The following ZDHHC21 variants were observed in gnomAD, a reference collection of about 807,000 sequenced individuals.
ZDHHC21 encodes the protein zDHHC palmitoyltransferase 21, also known as palmitoyltransferase ZDHHC21.
Under a neutral mutation model 34.6 loss-of-function variants are expected in ZDHHC21, and 15 were observed. That is an observed-to-expected ratio of 0.43 (90% CI 0.29 to 0.67). The LOEUF is 0.67. Ranked by LOEUF, ZDHHC21 falls within the 30% of genes least tolerant of loss-of-function variation. ZDHHC21 has a pLI of 0.14. For missense variants in ZDHHC21, 344 were observed against 327.7 expected (o/e 1.05, Z -0.38); for synonymous variants, 142 against 101.8 (o/e 1.40, Z -2.38).
chr9:14,661,407 G>A (rs983460005), intron 6 of ZDHHC21, among the ~76,000 whole-genome samples: 90 of 152,124 alleles, frequency 5.9e-4, no homozygotes, highest in African/African-American at 2.1e-3. Flanking sequence ...TTGCATATAT[G>A]CATGTATGTG....
At chr9:14,644,819 TACAC>T (rs527554683) in intron 7 of ZDHHC21, among the ~76,000 whole-genome samples, 12 of 142,628 alleles carry the variant, frequency 8.4e-5, no homozygotes, top group African/African-American at 2.3e-4. Context: ...TACATATGTA[TACAC>T]ACACACACAC....
intron 2 of ZDHHC21, among the ~76,000 whole-genome samples, chr9:14,680,780 G>C (rs765939800): frequency 6.6e-6 from 1 of 152,142 alleles, no homozygotes; most frequent in Non-Finnish European, 1.5e-5. Context: ...ATCTTCAATG[G>C]AGGCAGACTA....
intron 8 of ZDHHC21, among the ~76,000 whole-genome samples, chr9:14,627,604 AT>A (rs549774194): frequency 6.6e-6 from 1 of 152,148 alleles, no homozygotes; most frequent in Non-Finnish European, 1.5e-5. Flanking sequence ...AGCTTACACT[AT>A]TATATAAACT....
At chr9:14,621,421 T>A (rs565619068) in intron 8 of ZDHHC21, among the ~76,000 whole-genome samples, 3 of 152,220 alleles carry the variant, frequency 2.0e-5, no homozygotes, top group African/African-American at 7.2e-5. Context: ...AGATTTAGAT[T>A]TCATACAGAA....
intron 7 of ZDHHC21, among the ~76,000 whole-genome samples, chr9:14,658,201 C>A: frequency 6.6e-6 from 1 of 152,120 alleles, no homozygotes. Flanking sequence ...AACCAAGACA[C>A]ACGTATTGAA....
At chr9:14,656,960 A>C (rs1300953130) in intron 7 of ZDHHC21, among the ~76,000 whole-genome samples, 1 of 151,958 alleles carries the variant, frequency 6.6e-6, no homozygotes. Context: ...TATGCTGCTG[A>C]TCTTTTTCCA....
At chr9:14,685,888 A>C (rs148270922) in intron 2 of ZDHHC21, among the ~76,000 whole-genome samples, 2,729 of 152,328 alleles carry the variant, frequency 0.018, 26 homozygotes, top group Non-Finnish European at 0.031. Context: ...AAAAAGGATG[A>C]GTTCATGTCC....
chr9:14,675,828 AC>A (rs1836276471), intron 3 of ZDHHC21, among the ~76,000 whole-genome samples: 1 of 152,016 alleles, frequency 6.6e-6, no homozygotes, highest in Non-Finnish European at 1.5e-5. Flanking sequence ...AAGAAGTGAA[AC>A]CTGAATTCAG....
chr9:14,675,780 G>A (rs1836266076), intron 3 of ZDHHC21, among the ~76,000 whole-genome samples: 1 of 151,930 alleles, frequency 6.6e-6, no homozygotes, highest in African/African-American at 2.4e-5. Flanking sequence ...CACAGAAGAT[G>A]GGACCAGTTA....
rs766922051 is a variant in ZDHHC21, at chr9:14,611,946, G to T, written c.*7020C>A. ...CATCTCTGGGAGACAGTGAATAGTG[G>T]TGAATTCTCTACTACTCAATAACTT... On this transcript the variant is annotated 3_prime_UTR_variant, in exon 10 of 10. Coordinates refer to ENST00000380916, the MANE Select transcript of ZDHHC21 (RefSeq NM_178566.6). The T allele has an allele frequency of 6.6e-6, 1 of 151,896 alleles. No individual in the cohort carries two copies. The highest frequency in any genetic ancestry group is 1.5e-5 in the Non-Finnish European group (1 of 67,914). 9.4% of individuals were successfully genotyped at this position (151,896 alleles called of 1,614,324 possible). A position where few individuals can be genotyped will look rare whatever the true frequency, so the allele number is the denominator to read the frequency against.
intron 8 of ZDHHC21, among the ~76,000 whole-genome samples, chr9:14,627,644 G>C (rs1183704250): frequency 6.6e-6 from 1 of 152,094 alleles, no homozygotes; most frequent in African/African-American, 2.4e-5. Context: ...AAAAATGCTT[G>C]TATATAAAAA....
chr9:14,597,382 T>C, the ZDHHC21 span, among the ~76,000 whole-genome samples: 2 of 151,988 alleles, frequency 1.3e-5, no homozygotes, highest in African/African-American at 4.8e-5. Context: ...GTATCCTACA[T>C]CCCAGGGAAT....
chr9:14,601,329 G>A, the ZDHHC21 span, among the ~76,000 whole-genome samples: 1 of 152,126 alleles, frequency 6.6e-6, no homozygotes, highest in Non-Finnish European at 1.5e-5. Context: ...ATCAAAAAGT[G>A]TGCAAAGGAT....
rs980567248 is a variant in ZDHHC21 at position 14,615,395 on chromosome 9, T to C, written c.*3571A>G. 1.7e-4 allele frequency: 26 copies of C among 151,766 alleles called. No individual in the cohort carries two copies. The highest frequency in any genetic ancestry group is 5.8e-4 in the African/African-American group (24 of 41,418). 9.4% of individuals were successfully genotyped at this position (151,766 alleles called of 1,614,324 possible). On this transcript the variant is annotated 3_prime_UTR_variant, in exon 10 of 10. Transcript: ENST00000380916. ...GGCAGATGTTTTAACTCAGCTGTTA[T>C]ACTGAACATTACGTATTATGTTCTC...
chr9:14,674,204 G>T lies in ZDHHC21; in HGVS notation c.137C>A (p.Pro46Gln). ...AAACTTACTTATTATTAATATGCCT[G>T]GAATATGTCCTTCTTCATAGTGAGG... is the stretch of plus-strand genomic sequence containing the variant. ...LFPHYEEGHIPGILIIIFYGI... is the reference protein window; with the variant it reads ...LFPHYEEGHIQGILIIIFYGI... The change falls in exon 4 of 10, where the codon CCA (proline) becomes CAA (glutamine). Residue 46 changes from proline to glutamine, a missense_variant. By Grantham distance (76) the Pro-to-Gln change is moderately conservative. Coordinates refer to ENST00000380916, the MANE Select transcript of ZDHHC21 (RefSeq NM_178566.6). 2 of 1,517,378 alleles carry T rather than the reference G, an allele frequency of 1.3e-6. No homozygotes were observed. Among genetic ancestry groups the T allele is most frequent in the Non-Finnish European group, 1.8e-6 (2 of 1,139,814 alleles). The allele number at this position is 1,517,378 out of a possible 1,614,324, so 94.0% of individuals were successfully genotyped here. A position where few individuals can be genotyped will look rare whatever the true frequency, so the allele number is the denominator to read the frequency against.
the ZDHHC21 span, among the ~76,000 whole-genome samples, chr9:14,603,043 G>T: frequency 6.6e-6 from 1 of 151,968 alleles, no homozygotes; most frequent in East Asian, 1.9e-4. Flanking sequence ...GGAGGGGTGG[G>T]AGTTGAGGGG....
At chr9:14,627,809 A>G (rs1826558888) in intron 8 of ZDHHC21, among the ~76,000 whole-genome samples, 1 of 152,176 alleles carries the variant, frequency 6.6e-6, no homozygotes, top group South Asian at 2.1e-4. Context: ...CAGCACTATT[A>G]GTATTGGTGC....
chr9:14,654,547 C>G (rs931826553), intron 7 of ZDHHC21, among the ~76,000 whole-genome samples: 4 of 151,864 alleles, frequency 2.6e-5, no homozygotes, highest in Non-Finnish European at 2.9e-5. Context: ...TCAACAGAAA[C>G]GGACCCACAA....
At chr9:14,609,343 C>T (rs183029351), downstream of ZDHHC21, among the ~76,000 whole-genome samples, 4 of 152,190 alleles carry the variant, frequency 2.6e-5, no homozygotes, top group African/African-American at 9.6e-5. Flanking sequence ...GAACTAGCCA[C>T]TTTCTTTCAT....
Sources: allele counts gnomAD v4.1 joint callset (sites outside exome capture counted in the v4.1 genomes callset), GRCh38; gene constraint gnomAD v4.1.1; transcripts MANE v1.5; gene names NCBI Gene and HGNC (gene_info 2026-07-23, HGNC 2026-07-21).